The following SGPL1 variants were observed in gnomAD, a reference collection of about 807,000 sequenced individuals.
The protein encoded by SGPL1 is sphingosine-1-phosphate lyase 1, also known as SP-lyase 1.
In SGPL1, 37 loss-of-function variants were observed where a neutral mutation model predicts 68.9. That is an observed-to-expected ratio of 0.54 (90% CI 0.41 to 0.71). SGPL1 has a LOEUF of 0.71. SGPL1 is among the 30% of genes least tolerant of loss of function. SGPL1 has a pLI of 0.00. For synonymous variants in SGPL1, 236 were observed against 248.5 expected (o/e 0.95, Z 0.47); for missense variants, 551 against 704.6 (o/e 0.78, Z 2.47).
chr10:70,867,193 A>G (rs1292309076), intron 7 of SGPL1, among the ~76,000 whole-genome samples: 1 of 152,118 alleles, frequency 6.6e-6, no homozygotes, highest in African/African-American at 2.4e-5. Context: ...CTCATATATT[A>G]TTTTTTAAAA....
chr10:70,818,806 C>G (rs1436974976), intron 2 of SGPL1, among the ~76,000 whole-genome samples: 1 of 152,108 alleles, frequency 6.6e-6, no homozygotes, highest in Non-Finnish European at 1.5e-5. Flanking sequence ...AATTAATACC[C>G]TTATATAACT....
At chr10:70,830,287 C>T (rs557432638) in intron 2 of SGPL1, among the ~76,000 whole-genome samples, 2 of 152,120 alleles carry the variant, frequency 1.3e-5, no homozygotes, top group Non-Finnish European at 2.9e-5. Context: ...AGGACATTTT[C>T]CAAAGAAACC....
intron 2 of SGPL1, among the ~76,000 whole-genome samples, chr10:70,819,406 A>G (rs1845297077): frequency 6.6e-6 from 1 of 152,164 alleles, no homozygotes; most frequent in South Asian, 2.1e-4. Context: ...GTATAATGCT[A>G]TTTGGAACTA....
At chr10:70,868,581 C>G in intron 8 of SGPL1, 148 bp downstream of exon 8, 1 of 649,604 alleles carries the variant, frequency 1.5e-6, no homozygotes, top group South Asian at 1.8e-5. Context: ...CCCCTCTGCC[C>G]TTATCCTTTT....
rs763308894 is a variant in SGPL1 at position 70,854,769 on chromosome 10, T to G, written c.323T>G (p.Val108Gly). Residue 108 changes from valine to glycine, a missense_variant, in exon 5 of 15, where the codon GTG becomes GGG. Physicochemically the swap from Val to Gly is moderately radical, Grantham distance 109 (BLOSUM62 -3). Coordinates refer to ENST00000373202, the MANE Select transcript of SGPL1 (RefSeq NM_003901.4). The part of the protein sequence containing the change: ...DISKNMSFLK[V>G]DKEYVKALPS... Reference sequence around the variant, plus strand: ...AGCAAGAACATGTCATTCCTGAAAGTGGACAAAGAGTATGTGAAAGCTTTA... The same window carrying G: ...AGCAAGAACATGTCATTCCTGAAAGGGGACAAAGAGTATGTGAAAGCTTTA... 6.2e-7 allele frequency: 1 copy of G among 1,613,968 alleles called. No homozygotes were observed. The highest frequency in any genetic ancestry group is 8.5e-7 in the Non-Finnish European group (1 of 1,179,910).
At chr10:70,869,639 C>T (rs1246764681) in intron 8 of SGPL1, among the ~76,000 whole-genome samples, 153 bp from the exon 9 acceptor site, 1 of 152,086 alleles carries the variant, frequency 6.6e-6, no homozygotes, top group African/African-American at 2.4e-5. Flanking sequence ...TTTGGGTGTG[C>T]TTAAAAAGAA....
chr10:70,833,176 A>G (rs1313610301), intron 2 of SGPL1, among the ~76,000 whole-genome samples: 3 of 152,192 alleles, frequency 2.0e-5, no homozygotes, highest in African/African-American at 7.2e-5. Context: ...TCAGGGATGG[A>G]AAGATGCTTT....
At chr10:70,845,138 T>TA (rs1845772214) in intron 3 of SGPL1, among the ~76,000 whole-genome samples, 2 of 152,158 alleles carry the variant, frequency 1.3e-5, no homozygotes, top group Non-Finnish European at 2.9e-5. Flanking sequence ...CTAATACTCC[T>TA]TACATTGATT....
At chr10:70,826,894 T>C (rs1244535557) in intron 2 of SGPL1, among the ~76,000 whole-genome samples, 1 of 152,244 alleles carries the variant, frequency 6.6e-6, no homozygotes, top group Non-Finnish European at 1.5e-5. Context: ...TATAGTATTT[T>C]ATTGTGTGAC....
At chr10:70,823,138 G>A (rs1192834318) in intron 2 of SGPL1, among the ~76,000 whole-genome samples, 1 of 152,162 alleles carries the variant, frequency 6.6e-6, no homozygotes, top group South Asian at 2.1e-4. Context: ...GGGCGTGTGT[G>A]TGTCTCTCCC....
At chr10:70,853,470 C>T (rs919690333) in intron 4 of SGPL1, among the ~76,000 whole-genome samples, 1 of 152,232 alleles carries the variant, frequency 6.6e-6, no homozygotes, top group African/African-American at 2.4e-5. Flanking sequence ...TAAGCAGCAG[C>T]CCCTGCCCTT....
chr10:70,820,738 A>G (rs931065106), intron 2 of SGPL1, among the ~76,000 whole-genome samples: 1 of 152,008 alleles, frequency 6.6e-6, no homozygotes, highest in Non-Finnish European at 1.5e-5. Context: ...CTGCACCATT[A>G]CACTCCAGCC....
At chr10:70,819,133 A>G (rs1038363487) in intron 2 of SGPL1, among the ~76,000 whole-genome samples, 1 of 152,238 alleles carries the variant, frequency 6.6e-6, no homozygotes, top group Non-Finnish European at 1.5e-5. Context: ...CATTTACTTT[A>G]ACAGAACAAT....
At position 70,816,755 on chromosome 10, in the gene SGPL1, G is replaced by T. The variant is rs561313753; in HGVS notation, c.-43-56G>T. The T allele has an allele frequency of 8.2e-6, 10 of 1,221,906 alleles. No homozygotes were observed. The East Asian group carries it at 2.3e-4, about 28-fold the overall frequency. 75.7% of individuals were successfully genotyped at this position (1,221,906 alleles called of 1,614,324 possible). On this transcript the variant is annotated intron_variant, in intron 1 of 14. Transcript: ENST00000373202. ...TTGGCTGCTCTGGCGAATCTAGGCG[G>T]GCTGGCGAGACAGTTTAAAGCTCTA...
intron 2 of SGPL1, among the ~76,000 whole-genome samples, chr10:70,822,898 T>G (rs1404004714): frequency 6.6e-6 from 1 of 151,794 alleles, no homozygotes; most frequent in Non-Finnish European, 1.5e-5. Flanking sequence ...TACAGAGATA[T>G]GCAGATGATA....
rs1846411264 is a variant in SGPL1 at position 70,877,338 on chromosome 10, T to C, written c.*3T>C. On this transcript the variant is annotated 3_prime_UTR_variant, in exon 15 of 15. Coordinates refer to ENST00000373202, the MANE Select transcript of SGPL1 (RefSeq NM_003901.4). ...ATGGTTCTCCAAAACCCCACTGAACTTGGACCCTTTCTAGTCTCAAGGGGA... is the reference window on the plus strand; with the variant it reads ...ATGGTTCTCCAAAACCCCACTGAACCTGGACCCTTTCTAGTCTCAAGGGGA... 1.9e-6 allele frequency: 3 copies of C among 1,613,972 alleles called. No homozygotes were observed. The highest frequency in any genetic ancestry group is 2.5e-6 in the Non-Finnish European group (3 of 1,179,960).
chr10:70,825,854 T>C (rs1375597639), intron 2 of SGPL1, among the ~76,000 whole-genome samples: 1 of 152,160 alleles, frequency 6.6e-6, no homozygotes, highest in African/African-American at 2.4e-5. Context: ...CCTAAAGTAA[T>C]AGAGATTTTT....
chr10:70,835,104 A>T (rs1471987195), intron 2 of SGPL1, among the ~76,000 whole-genome samples: 10 of 152,208 alleles, frequency 6.6e-5, no homozygotes, highest in Admixed American at 6.5e-4. Flanking sequence ...AGGCAGAAAC[A>T]TCCTAGGATC....
chr10:70,856,890 G>C (rs1162027884), intron 5 of SGPL1, among the ~76,000 whole-genome samples: 1 of 152,132 alleles, frequency 6.6e-6, no homozygotes, highest in Non-Finnish European at 1.5e-5. Flanking sequence ...CGGGGAGAGA[G>C]GAAAGTGGAA....
Sources: gnomAD v4.1 joint callset for allele counts (sites outside exome capture counted in the v4.1 genomes callset) on GRCh38, gnomAD v4.1.1 for gene constraint, MANE v1.5 for transcripts, NCBI Gene and HGNC (gene_info 2026-07-23, HGNC 2026-07-21) for gene names.